Variants in SYNE1 observed in about 807,000 individuals in gnomAD.
SYNE1 encodes nesprin-1.
In SYNE1, 616 loss-of-function variants were observed where a neutral mutation model predicts 1,111.0. The ratio of observed to expected loss-of-function variants is 0.55; its 90% CI spans 0.52 to 0.59. The LOEUF (loss-of-function observed/expected upper bound fraction) is 0.59, where lower values mean the gene tolerates loss of function less well. Ranked by LOEUF, SYNE1 falls within the 20% of genes least tolerant of loss-of-function variation. The pLI, the probability that SYNE1 is intolerant of heterozygous loss-of-function variation, is 0.00. For missense variants in SYNE1, 10,006 were observed against 10,417.0 expected (o/e 0.96, Z 1.72); for synonymous variants, 3,855 against 3,825.8 (o/e 1.01, Z -0.28).
Position 152,350,676 on chromosome 6 carries a change from A to G in SYNE1, c.11675T>C (p.Leu3892Ser), listed in dbSNP as rs180727534. ...ALLELVQDVT[L>S]KDKIDQLQSD... ...TTGAAGTTGATCTATTTTGTCCTTT[A>G]AAGTGACGTCCTGCACCAGTTCCAA... is the stretch of plus-strand genomic sequence containing the variant. Residue 3892 changes from leucine to serine, a missense_variant, in exon 71 of 146, where the codon TTA becomes TCA. Physicochemically the swap from Leu to Ser is moderately radical, Grantham distance 145 (BLOSUM62 -2). Transcript: ENST00000367255. 7.7e-5 allele frequency: 125 copies of G among 1,614,102 alleles called. No individual in the cohort carries two copies. The highest frequency in any genetic ancestry group is 2.9e-4 in the African/African-American group (22 of 75,022).
Position 152,409,601 on chromosome 6 carries a change from A to C in SYNE1, c.6339T>G (p.Thr2113=), listed in dbSNP as rs141671123. 1.2e-6 allele frequency: 2 copies of C among 1,613,906 alleles called. No individual in the cohort carries two copies. The highest frequency in any genetic ancestry group is 2.2e-5 in the East Asian group (1 of 44,828). ...ENASSVIVTR[T]TIKDQEDLKW... is the part of the protein sequence containing the mutation. ...TAAGATCCTCCTGATCTTTTATGGT[A>C]GTTCTGGTTACAATCACACTGCTGG... The change falls in exon 43 of 146, where the codon ACT becomes ACG. Residue 2113 remains threonine (T), a synonymous_variant. Transcript: ENST00000367255.
At chr6:152,151,276 A>G (rs1323819304) in intron 135 of SYNE1, among the ~76,000 whole-genome samples, 1 of 152,004 alleles carries the variant, frequency 6.6e-6, no homozygotes, top group East Asian at 1.9e-4. Flanking sequence ...CCTGGCAATC[A>G]AGCTGATTGA....
chr6:152,261,809 G>C (rs753285679), intron 101 of SYNE1, among the ~76,000 whole-genome samples: 15 of 152,190 alleles, frequency 9.9e-5, no homozygotes, highest in Non-Finnish European at 2.1e-4. Flanking sequence ...CATCTCTGAG[G>C]AAAAATATTG....
At chr6:152,382,811 C>G (rs1324692929) in intron 55 of SYNE1, among the ~76,000 whole-genome samples, 4 of 152,138 alleles carry the variant, frequency 2.6e-5, no homozygotes, top group African/African-American at 9.7e-5. Flanking sequence ...GAAAATGGAA[C>G]ACTTCAATAT....
intron 51 of SYNE1, among the ~76,000 whole-genome samples, chr6:152,395,237 A>C (rs1253665861): frequency 6.6e-6 from 1 of 152,212 alleles, no homozygotes; most frequent in Non-Finnish European, 1.5e-5. Flanking sequence ...GGCTAAAATC[A>C]AGAGCAACAG....
chr6:152,623,312 A>G (rs1031454898), intron 3 of SYNE1, among the ~76,000 whole-genome samples: 1 of 152,162 alleles, frequency 6.6e-6, no homozygotes, highest in Non-Finnish European at 1.5e-5. Flanking sequence ...GAAGACTGAA[A>G]CTGGACCTCT....
At chr6:152,564,204 C>T (rs995985484) in intron 3 of SYNE1, among the ~76,000 whole-genome samples, 10 of 152,200 alleles carry the variant, frequency 6.6e-5, no homozygotes, top group Non-Finnish European at 1.5e-4. Context: ...AAACACGAAT[C>T]AGTTGTAGCC....
At position 152,164,252 on chromosome 6, in the gene SYNE1, G is replaced by A. The variant is rs758256784; in HGVS notation, c.23701C>T (p.Leu7901Phe). Residue 7901 changes from leucine to phenylalanine, a missense_variant, in exon 131 of 146, where the codon CTC (leucine) becomes TTC (phenylalanine). By Grantham distance (22) the Leu-to-Phe change is conservative. Coordinates refer to ENST00000367255, the MANE Select transcript of SYNE1 (RefSeq NM_182961.4). ...DKNMSSLRTWLAHIESELAKP... is the reference protein window; with the variant it reads ...DKNMSSLRTWFAHIESELAKP... The stretch of plus-strand genomic sequence containing the variant: ...GCCAGCTCTGACTCGATGTGAGCGA[G>A]CCAGGTCCTCAGGCTGCTCATGTTC... 1 of 1,614,182 alleles carries A rather than the reference G, an allele frequency of 6.2e-7. No homozygotes were observed. Among genetic ancestry groups the A allele is most frequent in the Non-Finnish European group, 8.5e-7 (1 of 1,180,044 alleles).
chr6:152,566,355 CA>C (rs1299250712), intron 3 of SYNE1, among the ~76,000 whole-genome samples: 1 of 151,644 alleles, frequency 6.6e-6, no homozygotes, highest in Non-Finnish European at 1.5e-5. Context: ...TTTGCAGTGT[CA>C]AGGGCAATGT....
At chr6:152,492,288 G>A (rs1338382618) in intron 11 of SYNE1, among the ~76,000 whole-genome samples, 1 of 152,122 alleles carries the variant, frequency 6.6e-6, no homozygotes, top group East Asian at 1.9e-4. Context: ...CCCACAACAA[G>A]ACTTAATCAA....
At chr6:152,155,720 T>TTA (rs1263442648) in intron 132 of SYNE1, among the ~76,000 whole-genome samples, 190 bp downstream of exon 132, 9 of 152,238 alleles carry the variant, frequency 5.9e-5, no homozygotes, top group African/African-American at 1.9e-4. Flanking sequence ...ACTTGGCTTG[T>TTA]TATATTTATA....
At chr6:152,204,365 C>CAAAAAAAAAAAAAAAAAA (rs57252682) in intron 126 of SYNE1, among the ~76,000 whole-genome samples, 1 of 89,770 alleles carries the variant, frequency 1.1e-5, no homozygotes. Flanking sequence ...GACTCTATGT[C>CAAAAAAAAAAAAAAAAAA]AAAAAAAAAA....
At chr6:152,302,201 G>T (rs760391592) in intron 91 of SYNE1, 138 bp from the exon 92 acceptor site, 4 of 1,130,928 alleles carry the variant, frequency 3.5e-6, no homozygotes, top group Non-Finnish European at 5.2e-6. Flanking sequence ...TGTAGGCGGC[G>T]AGTCCTCCTG....
chr6:152,622,236 G>A (rs145443508), intron 3 of SYNE1, among the ~76,000 whole-genome samples: 37 of 152,078 alleles, frequency 2.4e-4, no homozygotes, highest in Non-Finnish European at 4.3e-4. Context: ...AATAAGAAGA[G>A]TCATTAAGTT....
intron 3 of SYNE1, chr6:152,546,081 A>T (rs2099311364): frequency 6.6e-6 from 1 of 152,232 alleles, no homozygotes; most frequent in Non-Finnish European, 1.5e-5. Context: ...TTAATTACCA[A>T]ACACAGTCAA....
intron 16 of SYNE1, among the ~76,000 whole-genome samples, chr6:152,466,812 T>C (rs972135703): frequency 1.3e-5 from 2 of 152,080 alleles, no homozygotes; most frequent in Non-Finnish European, 2.9e-5. Context: ...AAGTAGAAAA[T>C]TAATGCAATT....
chr6:152,452,888 G>C (rs796327495), intron 25 of SYNE1, among the ~76,000 whole-genome samples: 9 of 152,276 alleles, frequency 5.9e-5, no homozygotes, highest in African/African-American at 1.9e-4. Context: ...TCTCCCTTCT[G>C]TGCTGTTGTG....
intron 107 of SYNE1, among the ~76,000 whole-genome samples, chr6:152,241,503 T>TGTGTGTGTGTGTGTGC (rs1554263159): frequency 1.7e-5 from 2 of 116,154 alleles, no homozygotes; most frequent in Admixed American, 1.9e-4. Context: ...GCAAGAGCTG[T>TGTGTGTGTGTGTGTGC]GTGTGTGTGT....
At chr6:152,127,474 G>A (rs141951358) in intron 145 of SYNE1, 1 of 152,022 alleles carries the variant, frequency 6.6e-6, no homozygotes, top group East Asian at 1.9e-4. Flanking sequence ...TGATACCAAG[G>A]GTGTGCCGAC....
Sources: gnomAD v4.1 joint callset for allele counts (sites outside exome capture counted in the v4.1 genomes callset) on GRCh38, gnomAD v4.1.1 for gene constraint, MANE v1.5 for transcripts, NCBI Gene and HGNC (gene_info 2026-07-23, HGNC 2026-07-21) for gene names.